DDHD2: variants seen among roughly 807,000 people sequenced by gnomAD.
DDHD2 encodes triacylglycerol hydrolase DDHD2.
A neutral mutation model predicts 91.2 loss-of-function variants in DDHD2; 62 were observed. The ratio of observed to expected loss-of-function variants is 0.68; its 90% CI spans 0.55 to 0.84. The LOEUF (loss-of-function observed/expected upper bound fraction) is 0.84. DDHD2 is among the 40% of genes least tolerant of loss of function. The pLI is 0.00. For missense variants in DDHD2, 740 were observed against 846.9 expected (o/e 0.87, Z 1.57); for synonymous variants, 271 against 293.9 (o/e 0.92, Z 0.80).
At position 38,245,582 on chromosome 8, in the gene DDHD2, T is replaced by C. The variant is rs183157139; in HGVS notation, c.849-160T>C. ...ATACTCTGAATTTTGCTTATCACATTCCTCTGGCTTCATTACACATGTTCC... is the reference window on the plus strand; with the variant it reads ...ATACTCTGAATTTTGCTTATCACATCCCTCTGGCTTCATTACACATGTTCC... On this transcript the variant is annotated intron_variant, in intron 7 of 17. Transcript: ENST00000397166. 1.7e-3 allele frequency among the ~76,000 whole-genome samples: 263 copies of C among 152,368 alleles called. 2 individuals carry two copies. Among genetic ancestry groups the C allele is most frequent in the African/African-American group, 5.9e-3 (247 of 41,596 alleles).
intron 3 of DDHD2, among the ~76,000 whole-genome samples, chr8:38,236,226 A>G (rs1299180210): frequency 1.3e-5 from 2 of 151,268 alleles, no homozygotes; most frequent in Non-Finnish European, 2.9e-5. Context: ...GTTAGCCAGG[A>G]TGGTCTCAAG....
intron 10 of DDHD2, among the ~76,000 whole-genome samples, chr8:38,248,962 A>AAG (rs1554514775): frequency 6.6e-6 from 1 of 150,702 alleles, no homozygotes; most frequent in Non-Finnish European, 1.5e-5. Flanking sequence ...AAAAAAAAAA[A>AAG]CGATGAGTGA....
chr8:38,264,927 C>T, downstream of DDHD2: 1 of 1,611,638 alleles, frequency 6.2e-7, no homozygotes, highest in African/African-American at 1.3e-5. Context: ...ATTCATCTGC[C>T]CATTTTCACC....
At chr8:38,267,418 G>A (rs778340920), downstream of DDHD2, 16 of 1,605,440 alleles carry the variant, frequency 1.0e-5, no homozygotes, top group Non-Finnish European at 1.4e-5. Context: ...TGGTTGGAAC[G>A]TAAATCATTA....
At chr8:38,267,047 A>C, downstream of DDHD2, 1 of 1,416,888 alleles carries the variant, frequency 7.1e-7, no homozygotes. Flanking sequence ...ATAACAATTA[A>C]ATGTGCAAAT....
chr8:38,266,065 C>A, downstream of DDHD2: 1 of 1,349,404 alleles, frequency 7.4e-7, no homozygotes, highest in South Asian at 1.4e-5. Flanking sequence ...ATTTAGTAAG[C>A]ATCTCCTCTG....
intron 6 of DDHD2, 78 bp from the exon 7 acceptor site, chr8:38,242,171 TA>T: frequency 8.7e-7 from 1 of 1,152,162 alleles, no homozygotes; most frequent in African/African-American, 1.6e-5. Context: ...AGTTAGAGTA[TA>T]ATTACATGAT....
intron 6 of DDHD2, among the ~76,000 whole-genome samples, chr8:38,240,664 G>C (rs1349821979): frequency 6.6e-6 from 1 of 152,212 alleles, no homozygotes; most frequent in African/African-American, 2.4e-5. Context: ...GAACCATAAA[G>C]ATGATAGAGT....
At chr8:38,251,091 G>A (rs1037195097) in intron 11 of DDHD2, 2 of 152,214 alleles carry the variant, frequency 1.3e-5, no homozygotes, top group Non-Finnish European at 2.9e-5. Flanking sequence ...TGTCGCCCAG[G>A]ATGGAGTGCA....
At position 38,260,044 on chromosome 8, in the gene DDHD2, T is replaced by C. The variant is rs1482503408; in HGVS notation, c.2059T>C (p.Ser687Pro). The C allele has an allele frequency of 6.2e-7, 1 of 1,608,374 alleles. No homozygotes were observed. Among genetic ancestry groups the C allele is most frequent in the Admixed American group, 1.7e-5 (1 of 59,970 alleles). Reference protein sequence around the residue: ...ALQSHLCYWESEDTVLLVLKE... With the variant: ...ALQSHLCYWEPEDTVLLVLKE... ...CATAATTTTTTCTCTTTATAGGGAG[T>C]CTGAAGATACAGTATTGCTCGTCCT... Residue 687 changes from serine (S) to proline (P), a missense_variant, in exon 17 of 18, where the codon TCT (serine) becomes CCT (proline). Around this residue, in one of 2 missense-constraint regions of DDHD2, gnomAD observed 47 missense variants for 82.6 expected, o/e 0.57. Transcript: ENST00000397166.
At chr8:38,246,401 C>T (rs1805638544) in intron 9 of DDHD2, 101 bp downstream of exon 9, 1 of 763,364 alleles carries the variant, frequency 1.3e-6, no homozygotes, top group South Asian at 1.7e-5. Context: ...AGTTTCATGT[C>T]ATGACATTAC....
intron 6 of DDHD2, 186 bp from the exon 7 acceptor site, chr8:38,242,064 A>AT: frequency 1.9e-6 from 1 of 533,902 alleles, no homozygotes; most frequent in Non-Finnish European, 3.2e-6. Flanking sequence ...AAAAAAAAAA[A>AT]GTTATTAAAG....
At chr8:38,244,889 A>T (rs1000311811) in intron 7 of DDHD2, among the ~76,000 whole-genome samples, 2 of 151,952 alleles carry the variant, frequency 1.3e-5, no homozygotes, top group African/African-American at 2.4e-5. Flanking sequence ...TAAAGGACTT[A>T]AAAAATGTAT....
chr8:38,244,363 A>G (rs949507277), intron 7 of DDHD2, among the ~76,000 whole-genome samples: 1 of 145,108 alleles, frequency 6.9e-6, no homozygotes, highest in Admixed American at 6.8e-5. Flanking sequence ...CCTGGGTTCC[A>G]GCAATTCTCC....
downstream of DDHD2, chr8:38,264,457 C>A: frequency 6.5e-7 from 1 of 1,547,902 alleles, no homozygotes; most frequent in Non-Finnish European, 8.7e-7. Context: ...AATATCAAAA[C>A]AATAAGAATC....
At chr8:38,237,382 AAACAAC>A (rs971571020) in intron 3 of DDHD2, among the ~76,000 whole-genome samples, 150 bp from the exon 4 acceptor site, 1 of 152,146 alleles carries the variant, frequency 6.6e-6, no homozygotes, top group African/African-American at 2.4e-5. Context: ...AAAACAAAAC[AAACAAC>A]AACAACAACA....
In DDHD2 at chr8:38,268,341, A is replaced by G. The variant is rs767863749; in HGVS notation, n.88-2781A>G. On this transcript the variant is annotated intron_variant and non_coding_transcript_variant, in intron 1 of 1. Coordinates refer to the DDHD2 transcript ENST00000526071. ...ACGACCTCCTAGGTTCCCAGCACGA[A>G]GAAACCGGCCCGAAAGGGCTAGCGC... 2.2e-5 allele frequency: 34 copies of G among 1,543,860 alleles called. 2 individuals carry two copies. The South Asian group carries it at 2.3e-4, about 10-fold the overall frequency.
intron 5 of DDHD2, chr8:38,238,741 C>T (rs981484578): frequency 4.5e-6 from 4 of 893,102 alleles, no homozygotes; most frequent in African/African-American, 3.6e-5. Flanking sequence ...ACATACCAAA[C>T]ATTGATAAAA....
At chr8:38,267,069 A>G, downstream of DDHD2, 1 of 1,431,956 alleles carries the variant, frequency 7.0e-7, no homozygotes, top group Non-Finnish European at 9.2e-7. Flanking sequence ...TCATGAAGGT[A>G]AACTACCTTT....
Sources: gnomAD v4.1 joint callset for allele counts (sites outside exome capture counted in the v4.1 genomes callset) on GRCh38, gnomAD v4.1.1 for gene constraint, gnomAD v4.1.1 regional missense constraint, MANE v1.5 for transcripts, NCBI Gene and HGNC (gene_info 2026-07-23, HGNC 2026-07-21) for gene names.